Variants in MCTS1 observed in about 807,000 individuals in gnomAD.
The protein encoded by MCTS1 is MCTS1 re-initiation and release factor.
For missense variants in MCTS1, 55 were observed against 128.6 expected (o/e 0.43, Z 2.77); for synonymous variants, 26 against 40.8 (o/e 0.64, Z 1.38).
chrX:120,618,442 T>C lies in MCTS1; in HGVS notation c.*6178T>C, dbSNP rs1178517272. Among the ~76,000 whole-genome samples the C allele has an allele frequency of 8.9e-6, 1 of 112,416 alleles. No individual in the cohort carries two copies. The highest frequency in any genetic ancestry group is 3.2e-5 in the African/African-American group (1 of 30,972). ...TGGAAGGAAAGTCCTTTTTGCTCTG[T>C]AGGCTCTGGACAGCTTTCTTAGAGT... On this transcript the variant is annotated 3_prime_UTR_variant, in exon 6 of 6. Coordinates refer to ENST00000371317, the MANE Select transcript of MCTS1 (RefSeq NM_014060.3).
chrX:120,610,571 C>T (rs988942719), intron 4 of MCTS1, among the ~76,000 whole-genome samples: 17 of 112,491 alleles, frequency 1.5e-4, no homozygotes, highest in African/African-American at 5.5e-4. Flanking sequence ...CAAGACTGCG[C>T]CATTGCACTC....
chrX:120,618,718 G>A lies in MCTS1; in HGVS notation c.*6454G>A, dbSNP rs1926928596. ...ATGGCTTTATTCAGTTTCAAAAACA[G>A]TAGGGGCTAAAATGTTTGGACATTT... On this transcript the variant is annotated 3_prime_UTR_variant, in exon 6 of 6. Coordinates refer to ENST00000371317, the MANE Select transcript of MCTS1 (RefSeq NM_014060.3). Among the ~76,000 whole-genome samples, 1 of 112,459 alleles carries A rather than the reference G, an allele frequency of 8.9e-6. No individual in the cohort carries two copies. Among genetic ancestry groups the A allele is most frequent in the Non-Finnish European group, 1.9e-5 (1 of 53,319 alleles).
In MCTS1 at chrX:120,606,090, T is replaced by C; in HGVS notation, c.176T>C (p.Ile59Thr). ...CATTTGTCTTACAGCCATGAACATA[T>C]AGAAATCCTTACAGTAAATGGAGAA... ...PVKIVRCHEH[I>T]EILTVNGELL... is the part of the protein sequence containing the mutation. Residue 59 changes from isoleucine (I) to threonine (T), a missense_variant, in exon 3 of 6, where the codon ATA becomes ACA. Physicochemically the swap from Ile to Thr is moderately conservative, Grantham distance 89. Transcript: ENST00000371317. 1.8e-6 allele frequency: 2 copies of C among 1,132,218 alleles called. No homozygotes were observed. Among genetic ancestry groups the C allele is most frequent in the East Asian group, 3.1e-5 (1 of 32,650 alleles). The allele number at this position is 1,132,218 out of a possible 1,213,427, so 93.3% of individuals were successfully genotyped here. A position where few individuals can be genotyped will look rare whatever the true frequency, so the allele number is the denominator to read the frequency against.
chrX:120,606,022 T>C, intron 2 of MCTS1, 57 bp from the exon 3 acceptor site: 1 of 738,541 alleles, frequency 1.4e-6, no homozygotes. Flanking sequence ...GTGTTTTATA[T>C]TGTGAATTTT....
At position 120,616,317 on chromosome X, in the gene MCTS1, G is replaced by C. The variant is rs1926852917; in HGVS notation, c.*4053G>C. 1.5e-5 allele frequency among the ~76,000 whole-genome samples: 1 copy of C among 67,959 alleles called. No individual in the cohort carries two copies. Among genetic ancestry groups the C allele is most frequent in the Non-Finnish European group, 2.8e-5 (1 of 36,091 alleles). 59.0% of individuals were successfully genotyped at this position (67,959 alleles called of 115,157 possible). A position where few individuals can be genotyped will look rare whatever the true frequency, so the allele number is the denominator to read the frequency against. On this transcript the variant is annotated 3_prime_UTR_variant, in exon 6 of 6. Coordinates refer to ENST00000371317, the MANE Select transcript of MCTS1 (RefSeq NM_014060.3). ...TTCTAAAGAAATCATACTTGTCATTGTAGAGATGCATGTAAATTAAATGTA... is the reference window on the plus strand; with the variant it reads ...TTCTAAAGAAATCATACTTGTCATTCTAGAGATGCATGTAAATTAAATGTA...
At chrX:120,610,962 A>G (rs759345423) in intron 4 of MCTS1, 49 bp from the exon 5 acceptor site, 34 of 1,155,363 alleles carry the variant, frequency 2.9e-5, no homozygotes, top group African/African-American at 3.6e-5. Context: ...CTTGATGGGG[A>G]GGCCCCAAGG....
In MCTS1 at chrX:120,618,884, G is replaced by A. The variant is rs1023858101; in HGVS notation, c.*6620G>A. Among the ~76,000 whole-genome samples, 1 of 112,172 alleles carries A rather than the reference G, an allele frequency of 8.9e-6. No individual in the cohort carries two copies. The highest frequency in any genetic ancestry group is 1.9e-5 in the Non-Finnish European group (1 of 53,266). On this transcript the variant is annotated 3_prime_UTR_variant, in exon 6 of 6. Coordinates refer to ENST00000371317, the MANE Select transcript of MCTS1 (RefSeq NM_014060.3). Reference sequence around the variant, plus strand: ...AAGGCACATCCTCATTAGCTTCTGGGTGTTGTCAAACCCAATCCTCTCTCA... The same window carrying A: ...AAGGCACATCCTCATTAGCTTCTGGATGTTGTCAAACCCAATCCTCTCTCA...
rs889831312 is a variant in MCTS1, at chrX:120,615,199, CT to C, written c.*2937del. On this transcript the variant is annotated 3_prime_UTR_variant, in exon 6 of 6. Coordinates refer to ENST00000371317, the MANE Select transcript of MCTS1 (RefSeq NM_014060.3). Reference sequence around the variant, plus strand: ...CTTTAGATACTGTGCTTAATGGAAACTTAGTTTACCTATATTCGTGAGAATA... The same window carrying C: ...CTTTAGATACTGTGCTTAATGGAAACTAGTTTACCTATATTCGTGAGAATA... Among the ~76,000 whole-genome samples, 5 of 112,293 alleles carry C rather than the reference CT, an allele frequency of 4.5e-5. No homozygotes were observed. The highest frequency in any genetic ancestry group is 1.6e-4 in the African/African-American group (5 of 30,892).
At chrX:120,611,323 G>A (rs1926681751) in intron 5 of MCTS1, 2 of 264,366 alleles carry the variant, frequency 7.6e-6, no homozygotes, top group East Asian at 5.7e-5. Context: ...TTATATGTGT[G>A]TACGTGGTAC....
rs1012827754 is a variant in MCTS1, at chrX:120,615,434, C to T, written c.*3170C>T. Among the ~76,000 whole-genome samples the T allele has an allele frequency of 4.5e-5, 5 of 111,424 alleles. No homozygotes were observed. Among genetic ancestry groups the T allele is most frequent in the Non-Finnish European group, 7.5e-5 (4 of 53,086 alleles). On this transcript the variant is annotated 3_prime_UTR_variant, in exon 6 of 6. Transcript: ENST00000371317. ...TGACGTGGCATGAAGATGAATAATA[C>T]AGAAGTAGCCCTTGCTCTTAAGGAG... is the stretch of plus-strand genomic sequence containing the variant.
At position 120,619,732 on chromosome X, in the gene MCTS1, G is replaced by A. The variant is rs1426274004; in HGVS notation, c.*7468G>A. ...AAATGGGTAGGATTTGAATGAGTAAGAGTGGGATACTTGCACAGTATCATA... is the reference window on the plus strand; with the variant it reads ...AAATGGGTAGGATTTGAATGAGTAAAAGTGGGATACTTGCACAGTATCATA... On this transcript the variant is annotated 3_prime_UTR_variant, in exon 6 of 6. Transcript: ENST00000371317. Among the ~76,000 whole-genome samples the A allele has an allele frequency of 9.0e-6, 1 of 111,552 alleles. No homozygotes were observed. Among genetic ancestry groups the A allele is most frequent in the Non-Finnish European group, 1.9e-5 (1 of 53,164 alleles).
chrX:120,606,715 C>T (rs972396038), intron 3 of MCTS1, among the ~76,000 whole-genome samples: 3 of 97,213 alleles, frequency 3.1e-5, no homozygotes, highest in Non-Finnish European at 6.0e-5. Flanking sequence ...ACCCGCGAGG[C>T]GGAGGTTGCA....
chrX:120,619,468 G>A lies in MCTS1; in HGVS notation c.*7204G>A, dbSNP rs1286554733. 9.2e-6 allele frequency among the ~76,000 whole-genome samples: 1 copy of A among 109,131 alleles called. No individual in the cohort carries two copies. The highest frequency in any genetic ancestry group is 1.9e-5 in the Non-Finnish European group (1 of 52,453). The allele number at this position is 109,131 out of a possible 115,157, so 94.8% of individuals were successfully genotyped here. Reference sequence around the variant, plus strand: ...TTTTAACTCTCATTTTACAAACGAGGAGACTAAGGCTCAGAGAGGTCATAC... The same window carrying A: ...TTTTAACTCTCATTTTACAAACGAGAAGACTAAGGCTCAGAGAGGTCATAC... On this transcript the variant is annotated 3_prime_UTR_variant, in exon 6 of 6. Coordinates refer to ENST00000371317, the MANE Select transcript of MCTS1 (RefSeq NM_014060.3).
At chrX:120,605,189 T>C (rs913969333) in intron 1 of MCTS1, among the ~76,000 whole-genome samples, 1 of 111,991 alleles carries the variant, frequency 8.9e-6, no homozygotes, top group Non-Finnish European at 1.9e-5. Flanking sequence ...AATTGCTGTA[T>C]ACTTGACAGT....
intron 1 of MCTS1, 44 bp from the exon 2 acceptor site, chrX:120,605,363 T>C (rs1926505080): frequency 8.9e-7 from 1 of 1,118,476 alleles, no homozygotes. Context: ...CTGATACCTC[T>C]ACTTAGAAAT....
chrX:120,605,261 T>C (rs912072266), intron 1 of MCTS1, 146 bp from the exon 2 acceptor site: 1 of 481,657 alleles, frequency 2.1e-6, no homozygotes, highest in Non-Finnish European at 3.2e-6. Context: ...GGAGATGGTA[T>C]TTTTTTTTAA....
chrX:120,606,999 A>G (rs1372195939), intron 3 of MCTS1, among the ~76,000 whole-genome samples: 1 of 105,375 alleles, frequency 9.5e-6, no homozygotes, highest in Non-Finnish European at 1.9e-5. Context: ...CATCTTTTAT[A>G]TTTGTATCTA....
chrX:120,620,675 T>C lies in MCTS1; in HGVS notation c.*8411T>C, dbSNP rs2147380380. ...ATTAAAATTAATGACAGGAAGAGTT[T>C]GGGTTCAGTTATAATTTAAGGGAAA... On this transcript the variant is annotated 3_prime_UTR_variant, in exon 6 of 6. Coordinates refer to ENST00000371317, the MANE Select transcript of MCTS1 (RefSeq NM_014060.3). 1 of 108,983 alleles carries C rather than the reference T, an allele frequency of 9.2e-6. No homozygotes were observed. Among genetic ancestry groups the C allele is most frequent in the Non-Finnish European group, 1.9e-5 (1 of 52,405 alleles). The allele number at this position is 108,983 out of a possible 1,213,427, so 9.0% of individuals were successfully genotyped here. A position where few individuals can be genotyped will look rare whatever the true frequency, so the allele number is the denominator to read the frequency against.
At position 120,614,401 on chromosome X, in the gene MCTS1, C is replaced by T. The variant is rs1396815074; in HGVS notation, c.*2137C>T. Among the ~76,000 whole-genome samples the T allele has an allele frequency of 1.8e-5, 2 of 111,876 alleles. No homozygotes were observed. Among genetic ancestry groups the T allele is most frequent in the Non-Finnish European group, 1.9e-5 (1 of 53,177 alleles). On this transcript the variant is annotated 3_prime_UTR_variant, in exon 6 of 6. Transcript: ENST00000371317. ...TCCTGCTTCATCATTAATTAGAATG[C>T]TTATCTCTGCCAAAATCTCATCTCT...
Sources: allele counts gnomAD v4.1 joint callset (sites outside exome capture counted in the v4.1 genomes callset), GRCh38; gene constraint gnomAD v4.1.1; transcripts MANE v1.5; gene names NCBI Gene and HGNC (gene_info 2026-07-23, HGNC 2026-07-21).